ICA1: variants seen among roughly 807,000 people sequenced by gnomAD.
ICA1 encodes 69 kDa islet cell autoantigen.
In ICA1, 40 loss-of-function variants were observed where a neutral mutation model predicts 71.0. The observed-to-expected ratio is 0.56, with a 90% CI of 0.44 to 0.73. The LOEUF (loss-of-function observed/expected upper bound fraction) is 0.73. Ranked by LOEUF, ICA1 falls within the 30% of genes least tolerant of loss-of-function variation. The pLI is 0.00. For synonymous variants in ICA1, 207 were observed against 209.5 expected, an observed-to-expected ratio of 0.99 and a Z score of 0.10; for missense variants, 578 against 576.5, an observed-to-expected ratio of 1.00 and a Z score of -0.03.
intron 1 of ICA1, among the ~76,000 whole-genome samples, chr7:8,247,365 T>C (rs1323771877): frequency 2.0e-5 from 3 of 151,776 alleles, no homozygotes; most frequent in Non-Finnish European, 4.4e-5. Flanking sequence ...GAGGCTGACA[T>C]GGGAGGATCA....
intron 6 of ICA1, among the ~76,000 whole-genome samples, chr7:8,183,170 G>C (rs1053292647): frequency 2.6e-5 from 4 of 152,146 alleles, no homozygotes; most frequent in Non-Finnish European, 4.4e-5. Context: ...GGGAATGCGG[G>C]GGAAGATTAG....
Position 8,228,671 on chromosome 7 carries a change from C to G in ICA1, c.186G>C (p.Leu62=), listed in dbSNP as rs376769742. ...GACAGGTTCTCTGAATTGAATGAAA[C>G]AGCTGTAATAAAAATACAAACAAAA... The part of the protein sequence containing the change: ...SDADLDAKLE[L]FHSIQRTCLD... Residue 62 remains leucine, a splice_region_variant and synonymous_variant, in exon 4 of 14, where the codon CTG becomes CTC. Coordinates refer to ENST00000402384, the MANE Select transcript of ICA1 (RefSeq NM_001136020.3). 36 of 1,593,614 alleles carry G rather than the reference C, an allele frequency of 2.3e-5. No individual in the cohort carries two copies. The African/African-American group carries it at 3.5e-4, about 15-fold the overall frequency.
At chr7:8,239,353 A>G (rs1802957006) in intron 1 of ICA1, among the ~76,000 whole-genome samples, 1 of 152,210 alleles carries the variant, frequency 6.6e-6, no homozygotes, top group South Asian at 2.1e-4. Flanking sequence ...TGAGCATCAA[A>G]TGAGTACATG....
At chr7:8,233,914 A>C (rs751487738) in intron 2 of ICA1, among the ~76,000 whole-genome samples, 1 of 152,182 alleles carries the variant, frequency 6.6e-6, no homozygotes, top group Non-Finnish European at 1.5e-5. Flanking sequence ...GCAAATCAAA[A>C]AGTATGTGGA....
intron 6 of ICA1, among the ~76,000 whole-genome samples, chr7:8,196,550 T>C (rs1585115907): frequency 6.6e-6 from 1 of 152,044 alleles, no homozygotes; most frequent in Non-Finnish European, 1.5e-5. Context: ...TTGCAAAAAA[T>C]GTACTGCACT....
At chr7:8,175,976 A>T (rs1239823084) in intron 6 of ICA1, among the ~76,000 whole-genome samples, 1 of 152,176 alleles carries the variant, frequency 6.6e-6, no homozygotes, top group Non-Finnish European at 1.5e-5. Context: ...GGGGAGAAAA[A>T]GGAAGTGAAC....
At chr7:8,231,003 C>A (rs567120215) in intron 3 of ICA1, among the ~76,000 whole-genome samples, 1 of 152,060 alleles carries the variant, frequency 6.6e-6, no homozygotes, top group East Asian at 1.9e-4. Flanking sequence ...AACAGATGAA[C>A]ACCTGAGATA....
intron 1 of ICA1, among the ~76,000 whole-genome samples, chr7:8,246,453 G>A (rs1410770338): frequency 3.3e-5 from 5 of 152,150 alleles, no homozygotes. Context: ...TGAAGGAAAG[G>A]CAACTTCCTG....
intron 8 of ICA1, among the ~76,000 whole-genome samples, chr7:8,151,168 G>A (rs1445666167): frequency 1.3e-5 from 2 of 152,190 alleles, no homozygotes; most frequent in Admixed American, 6.5e-5. Flanking sequence ...CCTTTGCAGA[G>A]CGTTTGGCCC....
At position 8,197,750 on chromosome 7, in the gene ICA1, T is replaced by C. The variant is rs551454430; in HGVS notation, c.579+20555A>G. Among the ~76,000 whole-genome samples, 20 of 151,674 alleles carry C rather than the reference T, an allele frequency of 1.3e-4. No homozygotes were observed. In the South Asian group the frequency reaches 2.7e-3, roughly 21 times the overall value. On this transcript the variant is annotated intron_variant, in intron 6 of 13. Coordinates refer to ENST00000402384, the MANE Select transcript of ICA1 (RefSeq NM_001136020.3). ...GGAAAAGAGCTACCACTACTAAACG[T>C]TGGAAGCTGGAAAGTAGATAGATGA...
At chr7:8,142,108 A>G in intron 9 of ICA1, 1 of 815,502 alleles carries the variant, frequency 1.2e-6, no homozygotes, top group Non-Finnish European at 1.7e-6. Flanking sequence ...TATCACCTTA[A>G]AAATAGTAAA....
intron 8 of ICA1, among the ~76,000 whole-genome samples, chr7:8,151,984 G>A (rs1798957241): frequency 6.6e-6 from 1 of 152,170 alleles, no homozygotes; most frequent in Non-Finnish European, 1.5e-5. Flanking sequence ...GATCAAGAGC[G>A]AGTTGTAAAG....
chr7:8,163,084 G>A lies in ICA1; in HGVS notation c.580-4432C>T, dbSNP rs142316798. Among the ~76,000 whole-genome samples the A allele has an allele frequency of 6.7e-4, 102 of 152,232 alleles. No homozygotes were observed. In the Middle Eastern group the frequency reaches 0.017, roughly 25 times the overall value. On this transcript the variant is annotated intron_variant, in intron 6 of 13. Transcript: ENST00000402384. ...TAGTCTAATGGCCATGTATTTTAGAGCCTCCTTAGTCTGGGTTCTGTCTTC... is the reference window on the plus strand; with the variant it reads ...TAGTCTAATGGCCATGTATTTTAGAACCTCCTTAGTCTGGGTTCTGTCTTC...
intron 1 of ICA1, among the ~76,000 whole-genome samples, chr7:8,247,026 G>A (rs962524070): frequency 9.2e-5 from 14 of 152,118 alleles, no homozygotes; most frequent in Admixed American, 2.0e-4. Flanking sequence ...GATTACAGGC[G>A]TGAACCACCA....
In ICA1 at chr7:8,159,811, G is replaced by C. The variant is rs533435666; in HGVS notation, c.580-1159C>G. 1.8e-3 allele frequency among the ~76,000 whole-genome samples: 274 copies of C among 152,276 alleles called. 2 individuals carry two copies. The highest frequency in any genetic ancestry group is 3.9e-3 in the Admixed American group (59 of 15,294). ...GTGTCAACACAGCATATTTTGGCTAGAGAAAACCAGCCAATTTTTCAAAAA... is the reference window on the plus strand; with the variant it reads ...GTGTCAACACAGCATATTTTGGCTACAGAAAACCAGCCAATTTTTCAAAAA... On this transcript the variant is annotated intron_variant, in intron 6 of 13. Transcript: ENST00000402384.
At chr7:8,250,110 G>A (rs1563203765) in intron 1 of ICA1, among the ~76,000 whole-genome samples, 1 of 152,152 alleles carries the variant, frequency 6.6e-6, no homozygotes, top group Non-Finnish European at 1.5e-5. Flanking sequence ...AGAGGTTTTA[G>A]CCACTAAGGT....
chr7:8,195,799 G>A (rs1787290182), intron 6 of ICA1, among the ~76,000 whole-genome samples: 1 of 152,076 alleles, frequency 6.6e-6, no homozygotes, highest in African/African-American at 2.4e-5. Context: ...CCAACATAGT[G>A]AAACCCCATC....
intron 6 of ICA1, among the ~76,000 whole-genome samples, chr7:8,182,152 CTAACTATACACTCT>C (rs561014891): frequency 6.6e-6 from 1 of 152,046 alleles, no homozygotes; most frequent in Non-Finnish European, 1.5e-5. Flanking sequence ...CACTTGGCTA[CTAACTATACACTCT>C]TCAGGCTCAA....
intron 5 of ICA1, among the ~76,000 whole-genome samples, chr7:8,219,512 T>A (rs968558494): frequency 1.3e-5 from 2 of 152,184 alleles, no homozygotes; most frequent in Non-Finnish European, 2.9e-5. Flanking sequence ...TAAGAAAAAA[T>A]TTCCTTTTAC....
Sources: gnomAD v4.1 joint callset for allele counts (sites outside exome capture counted in the v4.1 genomes callset) on GRCh38, gnomAD v4.1.1 for gene constraint, MANE v1.5 for transcripts, NCBI Gene and HGNC (gene_info 2026-07-23, HGNC 2026-07-21) for gene names.